Variants in DEPDC4 observed in about 807,000 individuals in gnomAD.
DEPDC4 encodes the protein DEP domain-containing protein 4.
In DEPDC4, 52 loss-of-function variants were observed where a neutral mutation model predicts 52.0. The observed-to-expected ratio is 1.00, with a 90% confidence interval of 0.80 to 1.26. The LOEUF is 1.26. DEPDC4 is among the 50% of genes most tolerant of loss of function. The pLI is 0.00. For synonymous variants in DEPDC4, 201 were observed against 196.8 expected (o/e 1.02, Z -0.18); for missense variants, 530 against 546.9 (o/e 0.97, Z 0.31).
At chr12:100,258,539 A>C (rs1461528124) in intron 3 of DEPDC4, among the ~76,000 whole-genome samples, 2 of 152,132 alleles carry the variant, frequency 1.3e-5, no homozygotes, top group Non-Finnish European at 2.9e-5. Flanking sequence ...CAAAGAGAAG[A>C]CTCTTAAGTT....
chr12:100,274,564 G>GT, the DEPDC4 span, among the ~76,000 whole-genome samples: 1 of 152,116 alleles, frequency 6.6e-6, no homozygotes, highest in South Asian at 2.1e-4. Flanking sequence ...AAACTTCCTT[G>GT]TGCTTTACTC....
intron 8 of DEPDC4, among the ~76,000 whole-genome samples, chr12:100,245,946 T>C (rs2096183338): frequency 6.6e-6 from 1 of 151,758 alleles, no homozygotes; most frequent in Admixed American, 6.6e-5. Flanking sequence ...CTTATTTTAT[T>C]TTATTTTTAT....
intron 3 of DEPDC4, among the ~76,000 whole-genome samples, chr12:100,261,175 C>T (rs1434287951): frequency 1.3e-4 from 18 of 142,400 alleles, no homozygotes; most frequent in Non-Finnish European, 2.1e-4. Flanking sequence ...AGCGAGACTC[C>T]GTCTCAAAAA....
chr12:100,248,109 G>A (rs1281252914), intron 8 of DEPDC4, among the ~76,000 whole-genome samples: 1 of 151,964 alleles, frequency 6.6e-6, no homozygotes, highest in Non-Finnish European at 1.5e-5. Context: ...ACACATAGTA[G>A]GGCTCAGTAT....
intron 3 of DEPDC4, among the ~76,000 whole-genome samples, chr12:100,260,481 A>G (rs576910034): frequency 6.6e-6 from 1 of 152,148 alleles, no homozygotes; most frequent in African/African-American, 2.4e-5. Context: ...TCATGACCTC[A>G]AGAAAAAATA....
chr12:100,277,748 A>T, the DEPDC4 span, among the ~76,000 whole-genome samples: 1 of 151,940 alleles, frequency 6.6e-6, no homozygotes, highest in African/African-American at 2.4e-5. Flanking sequence ...CTTGCTATTT[A>T]TTTTGTATTT....
At chr12:100,255,440 T>A (rs2096228519) in intron 4 of DEPDC4, among the ~76,000 whole-genome samples, 1 of 152,226 alleles carries the variant, frequency 6.6e-6, no homozygotes, top group African/African-American at 2.4e-5. Context: ...TGGTGTCTCA[T>A]CTTCTTTTCT....
intron 3 of DEPDC4, among the ~76,000 whole-genome samples, chr12:100,260,574 C>T (rs770586554): frequency 1.1e-4 from 16 of 151,276 alleles, no homozygotes; most frequent in Non-Finnish European, 1.9e-4. Flanking sequence ...AAATATTAGT[C>T]TTCATCAGAG....
At chr12:100,244,051 G>A (rs986399189) in intron 8 of DEPDC4, among the ~76,000 whole-genome samples, 1 of 133,642 alleles carries the variant, frequency 7.5e-6, no homozygotes, top group African/African-American at 2.7e-5. Context: ...CCTTTACTTA[G>A]CACAGGCAGA....
chr12:100,251,815 C>T (rs945639206), intron 7 of DEPDC4, among the ~76,000 whole-genome samples: 1 of 152,020 alleles, frequency 6.6e-6, no homozygotes. Context: ...TGAGTCCACC[C>T]ACCTGGGCCT....
chr12:100,252,566 C>A (rs1459118040), intron 5 of DEPDC4, 30 bp from the exon 6 acceptor site: 3 of 1,556,130 alleles, frequency 1.9e-6, no homozygotes, highest in African/African-American at 2.8e-5. Flanking sequence ...GAAAACAAAG[C>A]ATAAGATGAA....
At chr12:100,268,950 G>C (rs2096283826), upstream of DEPDC4, among the ~76,000 whole-genome samples, 1 of 152,116 alleles carries the variant, frequency 6.6e-6, no homozygotes, top group Non-Finnish European at 1.5e-5. Context: ...CTCTTCGTCT[G>C]TAACAGTAGT....
the DEPDC4 span, among the ~76,000 whole-genome samples, chr12:100,281,122 G>A: frequency 3.7e-5 from 5 of 136,408 alleles, no homozygotes; most frequent in African/African-American, 8.1e-5. Flanking sequence ...TCCCTCTCCC[G>A]GGCTCAAACG....
chr12:100,244,286 G>T (rs953657049), intron 8 of DEPDC4, among the ~76,000 whole-genome samples: 12 of 151,154 alleles, frequency 7.9e-5, no homozygotes, highest in East Asian at 3.9e-4. Flanking sequence ...GTTCACGCCA[G>T]TCTCCTGCCT....
At chr12:100,280,249 G>A in the DEPDC4 span, among the ~76,000 whole-genome samples, 1 of 152,142 alleles carries the variant, frequency 6.6e-6, no homozygotes. Flanking sequence ...TATTTACTTA[G>A]AGTAATATTT....
At chr12:100,281,068 A>T in the DEPDC4 span, among the ~76,000 whole-genome samples, 1 of 113,104 alleles carries the variant, frequency 8.8e-6, no homozygotes, top group South Asian at 2.8e-4. Context: ...CCTGGCTGTC[A>T]CCCAGGCGGG....
downstream of DEPDC4, among the ~76,000 whole-genome samples, chr12:100,235,293 G>T (rs1313063968): frequency 2.7e-5 from 4 of 150,236 alleles, no homozygotes; most frequent in African/African-American, 9.8e-5. Context: ...ACCCAAACAG[G>T]TCAAATCGTA....
chr12:100,232,413 T>C (rs2096136093), intron 9 of DEPDC4, among the ~76,000 whole-genome samples: 1 of 149,568 alleles, frequency 6.7e-6, no homozygotes, highest in African/African-American at 2.4e-5. Flanking sequence ...AAAAAAAATC[T>C]TTGTATATGG....
intron 3 of DEPDC4, among the ~76,000 whole-genome samples, chr12:100,259,081 A>AAAAATATAT (rs543577636): frequency 0.018 from 2,661 of 149,010 alleles, 80 homozygotes; most frequent in African/African-American, 0.063. Context: ...AAAAAAAAAA[A>AAAAATATAT]ATATATATAT....
Sources: allele counts gnomAD v4.1 joint callset (sites outside exome capture counted in the v4.1 genomes callset), GRCh38; gene constraint gnomAD v4.1.1; transcripts MANE v1.5; gene names NCBI Gene and HGNC (gene_info 2026-07-23, HGNC 2026-07-21).